DISC1: variants seen among roughly 807,000 people sequenced by gnomAD.
DISC1 encodes the protein DISC1 scaffold protein.
Under a neutral mutation model 84.5 loss-of-function variants are expected in DISC1, and 57 were observed. The observed-to-expected ratio is 0.67, with a 90% confidence interval of 0.55 to 0.84. The LOEUF (loss-of-function observed/expected upper bound fraction) is 0.84. Among genes scored for constraint, DISC1 ranks in the 40% least tolerant of loss-of-function variants. The pLI is 0.00. For synonymous variants in DISC1, 411 were observed against 415.2 expected, an observed-to-expected ratio of 0.99 and a Z score of 0.12; for missense variants, 1,000 against 1,057.8, an observed-to-expected ratio of 0.95 and a Z score of 0.76.
At position 231,824,967 on chromosome 1, in the gene DISC1, C is replaced by T. The variant is rs540234685; in HGVS notation, c.1981+6450C>T. Among the ~76,000 whole-genome samples, 10 of 152,244 alleles carry T rather than the reference C, an allele frequency of 6.6e-5. No homozygotes were observed. In the South Asian group the frequency reaches 8.3e-4, roughly 13 times the overall value. ...TATTGAGTACTTACGATATGCTAGG[C>T]GCTGTGGCAGGCCCTCATGGTCCAG... On this transcript the variant is annotated intron_variant, in intron 9 of 12. Transcript: ENST00000439617.
chr1:231,786,536 G>A (rs17817463), intron 6 of DISC1, among the ~76,000 whole-genome samples: 15,403 of 152,242 alleles, frequency 0.1, 955 homozygotes, highest in Non-Finnish European at 0.14. Flanking sequence ...AGGTGGTTAT[G>A]GCTGGGTTAC....
At chr1:231,726,920 C>A (rs1259340700) in intron 3 of DISC1, among the ~76,000 whole-genome samples, 1 of 152,188 alleles carries the variant, frequency 6.6e-6, no homozygotes, top group African/African-American at 2.4e-5. Flanking sequence ...TTTTACCCTT[C>A]CCTGCAAGAA....
rs1205522613 is a variant in DISC1 at position 232,035,312 on chromosome 1, G to C, written c.2426-1380G>C. On this transcript the variant is annotated intron_variant, in intron 12 of 12. Coordinates refer to ENST00000439617, the MANE Select transcript of DISC1 (RefSeq NM_018662.3). ...TAAAAATACAAAAATTAGCATGGTGGCACACACCTATAATCCCAGCTATTT... is the reference window on the plus strand; with the variant it reads ...TAAAAATACAAAAATTAGCATGGTGCCACACACCTATAATCCCAGCTATTT... Among the ~76,000 whole-genome samples the C allele has an allele frequency of 2.6e-5, 4 of 152,126 alleles. No homozygotes were observed. The East Asian group carries it at 7.7e-4, about 29-fold the overall frequency.
chr1:231,770,016 G>T (rs1437451033), intron 5 of DISC1, among the ~76,000 whole-genome samples: 1 of 152,124 alleles, frequency 6.6e-6, no homozygotes, highest in African/African-American at 2.4e-5. Flanking sequence ...GAAGTTGTAG[G>T]TGATGCACCT....
At position 231,833,206 on chromosome 1, in the gene DISC1, C is replaced by T. The variant is rs574968116; in HGVS notation, c.1981+14689C>T. ...AATAAGGGAACTGGACAGGTGGGGA[C>T]AATTAAAAAGGAGTGCTTAAAAGAG... On this transcript the variant is annotated intron_variant, in intron 9 of 12. Transcript: ENST00000439617. 2.8e-3 allele frequency among the ~76,000 whole-genome samples: 418 copies of T among 148,672 alleles called. 3 individuals are homozygous for T. Among genetic ancestry groups the T allele is most frequent in the African/African-American group, 0.01 (390 of 38,470 alleles).
In DISC1 at chr1:231,694,800, A is replaced by T. The variant is rs751543084; in HGVS notation, c.1042A>T (p.Met348Leu). ...RDCLLRNRRQ[M>L]EVISLRLKLQ... is the part of the protein sequence containing the mutation. ...CTGCCTGCTGAGAAACCGGAGGCAGATGGAGGTCAGTGTCTCTTCCACCTC... is the reference window on the plus strand; with the variant it reads ...CTGCCTGCTGAGAAACCGGAGGCAGTTGGAGGTCAGTGTCTCTTCCACCTC... Residue 348 changes from methionine to leucine, a missense_variant, in exon 2 of 13, where the codon ATG (methionine) becomes TTG (leucine). By Grantham distance (15) the Met-to-Leu change is conservative. This residue lies in a region of DISC1 where 311 missense variants were observed against 400.1 expected (regional missense o/e 0.78). Transcript: ENST00000439617. 13 of 1,613,462 alleles carry T rather than the reference A, an allele frequency of 8.1e-6. No individual in the cohort carries two copies. Among genetic ancestry groups the T allele is most frequent in the Non-Finnish European group, 1.1e-5 (13 of 1,179,974 alleles).
chr1:231,912,887 A>C (rs1572014788), intron 9 of DISC1, among the ~76,000 whole-genome samples: 30 of 104,440 alleles, frequency 2.9e-4, no homozygotes, highest in African/African-American at 3.5e-4. Context: ...CCTTCCTTCC[A>C]CCCCCGTTTC....
chr1:231,671,474 G>A (rs1008324138), intron 1 of DISC1, among the ~76,000 whole-genome samples: 6 of 151,946 alleles, frequency 3.9e-5, no homozygotes, highest in African/African-American at 9.7e-5. Context: ...AATCTTCCTA[G>A]GTTATCATAA....
Position 231,974,960 on chromosome 1 carries a change from C to T in DISC1, c.2042+16072C>T, listed in dbSNP as rs569773983. Among the ~76,000 whole-genome samples, 41 of 151,982 alleles carry T rather than the reference C, an allele frequency of 2.7e-4. No homozygotes were observed. The South Asian group carries it at 8.1e-3, about 30-fold the overall frequency. Reference sequence around the variant, plus strand: ...CTAAAAATACAAAAAATTAGCTGGGCGTGGTGGCACATGCCTGTAGTCCCA... The same window carrying T: ...CTAAAAATACAAAAAATTAGCTGGGTGTGGTGGCACATGCCTGTAGTCCCA... On this transcript the variant is annotated intron_variant, in intron 10 of 12. Transcript: ENST00000439617.
intron 9 of DISC1, among the ~76,000 whole-genome samples, chr1:231,903,905 G>T (rs780327230): frequency 1.1e-4 from 16 of 152,234 alleles, no homozygotes; most frequent in Admixed American, 3.3e-4. Flanking sequence ...TTAGAAGATT[G>T]TTCTGTTGCT....
chr1:231,937,777 T>G (rs903249599), intron 9 of DISC1, among the ~76,000 whole-genome samples: 14 of 151,674 alleles, frequency 9.2e-5, no homozygotes, highest in African/African-American at 3.4e-4. Context: ...TGGTAGGAAA[T>G]GACCTGAAAG....
At chr1:231,985,336 C>CAAAAAAAAAAAAA (rs59619547) in intron 10 of DISC1, among the ~76,000 whole-genome samples, 1 of 99,706 alleles carries the variant, frequency 1.0e-5, no homozygotes, top group Non-Finnish European at 2.1e-5. Context: ...CCCCACCCAC[C>CAAAAAAAAAAAAA]AAAAAAAAAA....
At chr1:231,945,890 A>G (rs1016127278) in intron 9 of DISC1, among the ~76,000 whole-genome samples, 3 of 152,340 alleles carry the variant, frequency 2.0e-5, no homozygotes, top group South Asian at 2.1e-4. Flanking sequence ...TTGGACACGT[A>G]TACCCTCCCG....
chr1:231,906,157 G>A (rs1034768971), intron 9 of DISC1, among the ~76,000 whole-genome samples: 4 of 151,796 alleles, frequency 2.6e-5, no homozygotes, highest in Non-Finnish European at 4.4e-5. Context: ...CAAGCAGCTG[G>A]GACCACAGAC....
intron 4 of DISC1, among the ~76,000 whole-genome samples, chr1:231,762,791 G>A (rs567409209): frequency 6.6e-6 from 1 of 152,248 alleles, no homozygotes; most frequent in Admixed American, 6.5e-5. Flanking sequence ...AACAGCCCCA[G>A]TGTGAGGGTG....
At chr1:232,006,392 A>G (rs959830178) in intron 10 of DISC1, among the ~76,000 whole-genome samples, 5 of 151,868 alleles carry the variant, frequency 3.3e-5, no homozygotes, top group Admixed American at 3.3e-4. Flanking sequence ...GTGGTATCAG[A>G]TGGAGATGAG....
intron 9 of DISC1, among the ~76,000 whole-genome samples, chr1:231,942,116 C>T (rs1452376122): frequency 6.6e-6 from 1 of 151,984 alleles, no homozygotes; most frequent in Non-Finnish European, 1.5e-5. Flanking sequence ...CTGACCATGC[C>T]CCACCTGAAG....
At chr1:231,972,773 T>C (rs560866411) in intron 10 of DISC1, among the ~76,000 whole-genome samples, 23 of 152,346 alleles carry the variant, frequency 1.5e-4, no homozygotes, top group African/African-American at 5.3e-4. Context: ...AGCCTGTTGC[T>C]ATGCCAGTCT....
intron 4 of DISC1, among the ~76,000 whole-genome samples, chr1:231,752,383 CAA>C (rs754432471): frequency 8.6e-5 from 13 of 151,882 alleles, no homozygotes; most frequent in Non-Finnish European, 1.8e-4. Flanking sequence ...AGAGTAGGAA[CAA>C]GAGAGAGAGA....
Sources: gnomAD v4.1 joint callset for allele counts (sites outside exome capture counted in the v4.1 genomes callset) on GRCh38, gnomAD v4.1.1 for gene constraint, gnomAD v4.1.1 regional missense constraint, MANE v1.5 for transcripts, NCBI Gene and HGNC (gene_info 2026-07-23, HGNC 2026-07-21) for gene names.